The following ATP6V1C1 variants were observed in gnomAD, a reference collection of about 807,000 sequenced individuals.
The protein encoded by ATP6V1C1 is V-type proton ATPase subunit C 1.
A neutral mutation model predicts 53.9 loss-of-function variants in ATP6V1C1; 45 were observed. The ratio of observed to expected loss-of-function variants is 0.83; its 90% confidence interval spans 0.66 to 1.07. ATP6V1C1 has a LOEUF of 1.07. ATP6V1C1 is among the 50% of genes least tolerant of loss of function. The probability of loss-of-function intolerance (pLI) is 0.00; values close to 1 mark genes in which losing one functional copy is unlikely to be tolerated. For missense variants in ATP6V1C1, 315 were observed against 440.3 expected (o/e 0.72, Z 2.55); for synonymous variants, 153 against 155.2 (o/e 0.99, Z 0.11).
At chr8:103,032,153 A>G (rs183268505) in intron 1 of ATP6V1C1, among the ~76,000 whole-genome samples, 111 of 151,362 alleles carry the variant, frequency 7.3e-4, no homozygotes, top group African/African-American at 2.7e-3. Flanking sequence ...TCACAAGGAA[A>G]TTGTGTCAAG....
chr8:103,071,480 G>A lies in ATP6V1C1; in HGVS notation c.*2733G>A, dbSNP rs906269327. On this transcript the variant is annotated 3_prime_UTR_variant, in exon 13 of 13. Transcript: ENST00000518738. ...TTGACTGCTGGTTGTCACACTTCCC[G>A]CCCCACACTCAACTGTTGTGTGAAT... 6.6e-6 allele frequency: 1 copy of A among 152,130 alleles called. No homozygotes were observed. Among genetic ancestry groups the A allele is most frequent in the Non-Finnish European group, 1.5e-5 (1 of 68,038 alleles). 9.4% of individuals were successfully genotyped at this position (152,130 alleles called of 1,614,324 possible). A position where few individuals can be genotyped will look rare whatever the true frequency, so the allele number is the denominator to read the frequency against.
rs1444806045 is a variant in ATP6V1C1, at chr8:103,040,815, G to A, written c.-22G>A. On this transcript the variant is annotated 5_prime_UTR_variant, in exon 2 of 13. Coordinates refer to ENST00000518738, the MANE Select transcript of ATP6V1C1 (RefSeq NM_001695.5). ...CATTTCAGAATCTCTCTTGATTTTT[G>A]AGGAAATACCTAGTAACAAACATGA... is the stretch of plus-strand genomic sequence containing the variant. The A allele has an allele frequency of 2.5e-6, 4 of 1,592,564 alleles. No individual in the cohort carries two copies. The highest frequency in any genetic ancestry group is 3.4e-6 in the Non-Finnish European group (4 of 1,171,078).
chr8:103,049,248 T>A (rs1342085865), intron 4 of ATP6V1C1, among the ~76,000 whole-genome samples: 1 of 152,232 alleles, frequency 6.6e-6, no homozygotes, highest in East Asian at 1.9e-4. Context: ...CTTTCCAGGT[T>A]CTATTTATTC....
Position 103,068,855 on chromosome 8 carries a change from A to C in ATP6V1C1, c.*108A>C. ...CTCTAGTATCCTTTGCTTGCTTCTT[A>C]CGCCCTTTCCTAGGTGAATTCTCCC... On this transcript the variant is annotated 3_prime_UTR_variant, in exon 13 of 13. Coordinates refer to ENST00000518738, the MANE Select transcript of ATP6V1C1 (RefSeq NM_001695.5). 3 of 864,738 alleles carry C rather than the reference A, an allele frequency of 3.5e-6. No homozygotes were observed. The highest frequency in any genetic ancestry group is 5.0e-6 in the Non-Finnish European group (3 of 597,350). 53.6% of individuals were successfully genotyped at this position (864,738 alleles called of 1,614,324 possible).
At chr8:103,062,681 G>A (rs1817423149) in intron 8 of ATP6V1C1, among the ~76,000 whole-genome samples, 1 of 152,172 alleles carries the variant, frequency 6.6e-6, no homozygotes, top group South Asian at 2.1e-4. Flanking sequence ...TGAAAAGTGT[G>A]GTTCTTAGCG....
chr8:103,055,451 C>T (rs1244572623), intron 7 of ATP6V1C1, among the ~76,000 whole-genome samples: 1 of 152,136 alleles, frequency 6.6e-6, no homozygotes, highest in East Asian at 1.9e-4. Flanking sequence ...TCATGGTACT[C>T]TGTGCTTTCC....
intron 3 of ATP6V1C1, among the ~76,000 whole-genome samples, chr8:103,045,446 T>C (rs1272807103): frequency 5.3e-5 from 8 of 152,190 alleles, no homozygotes; most frequent in African/African-American, 1.7e-4. Flanking sequence ...AAAAGCTCAG[T>C]TGGGACCAGA....
At chr8:103,029,736 A>T (rs891619451) in intron 1 of ATP6V1C1, among the ~76,000 whole-genome samples, 1 of 152,026 alleles carries the variant, frequency 6.6e-6, no homozygotes, top group Non-Finnish European at 1.5e-5. Flanking sequence ...TATTTAAAAA[A>T]AATTTTTTTT....
At chr8:103,059,878 GCA>G (rs199689509) in intron 8 of ATP6V1C1, among the ~76,000 whole-genome samples, 7 of 66,446 alleles carry the variant, frequency 1.1e-4, no homozygotes, top group African/African-American at 1.8e-4. Flanking sequence ...CCCCCAGCAC[GCA>G]CACACACACA....
At chr8:103,041,021 C>G (rs1385858056) in intron 2 of ATP6V1C1, 53 bp downstream of exon 2, 2 of 1,550,656 alleles carry the variant, frequency 1.3e-6, no homozygotes, top group Non-Finnish European at 1.7e-6. Context: ...AGGGGAGGGC[C>G]AGTTCTCTCT....
At chr8:103,040,068 T>C (rs1030787055) in intron 1 of ATP6V1C1, among the ~76,000 whole-genome samples, 3 of 152,218 alleles carry the variant, frequency 2.0e-5, no homozygotes, top group African/African-American at 7.2e-5. Flanking sequence ...GACTTCTGTT[T>C]ATAAATGCAT....
rs1205441428 is a variant in ATP6V1C1 at position 103,048,528 on chromosome 8, T to A, written c.201-342T>A. On this transcript the variant is annotated intron_variant, in intron 3 of 12. Transcript: ENST00000518738. ...GCTAGTTCTCAGCCTCCTCCTTTGT[T>A]CTCAGTCCTTAAATTGTCTAGTTTC... Among the ~76,000 whole-genome samples, 3 of 152,246 alleles carry A rather than the reference T, an allele frequency of 2.0e-5. No individual in the cohort carries two copies. In the East Asian group the frequency reaches 5.8e-4, roughly 29 times the overall value.
intron 1 of ATP6V1C1, among the ~76,000 whole-genome samples, chr8:103,023,908 G>GT (rs1411320727): frequency 6.6e-6 from 1 of 151,302 alleles, no homozygotes; most frequent in Admixed American, 6.6e-5. Context: ...TTTTTTTTGG[G>GT]GGGGGGGAAC....
chr8:103,059,771 A>G (rs959390895), intron 8 of ATP6V1C1, among the ~76,000 whole-genome samples: 1 of 151,292 alleles, frequency 6.6e-6, no homozygotes, highest in African/African-American at 2.4e-5. Flanking sequence ...TCCTCTCATC[A>G]GTCCTCCACA....
chr8:103,068,989 T>A lies in ATP6V1C1; in HGVS notation c.*242T>A. 3.7e-6 allele frequency: 1 copy of A among 270,852 alleles called. No homozygotes were observed. Among genetic ancestry groups the A allele is most frequent in the Non-Finnish European group, 6.8e-6 (1 of 147,656 alleles). The allele number at this position is 270,852 out of a possible 1,614,324, so 16.8% of individuals were successfully genotyped here. A position where few individuals can be genotyped will look rare whatever the true frequency, so the allele number is the denominator to read the frequency against. ...GTGTACTAAAAAAATCAGAGTTTAT[T>A]TATAAACAAAATAGTTTATTTAAAG... On this transcript the variant is annotated 3_prime_UTR_variant, in exon 13 of 13. Transcript: ENST00000518738.
chr8:103,044,696 A>G, intron 3 of ATP6V1C1, among the ~76,000 whole-genome samples: 1 of 143,420 alleles, frequency 7.0e-6, no homozygotes, highest in Non-Finnish European at 1.5e-5. Flanking sequence ...TTTTTTCAAG[A>G]TTGGCCATTC....
intron 12 of ATP6V1C1, among the ~76,000 whole-genome samples, chr8:103,067,812 T>G (rs773726902): frequency 2.5e-4 from 38 of 152,206 alleles, no homozygotes; most frequent in Non-Finnish European, 4.6e-4. Flanking sequence ...CTTGAACTCC[T>G]GACCTCAGGT....
intron 1 of ATP6V1C1, among the ~76,000 whole-genome samples, chr8:103,022,653 A>T (rs1162352451): frequency 6.6e-6 from 1 of 152,204 alleles, no homozygotes; most frequent in Non-Finnish European, 1.5e-5. Context: ...AGATTAAAAC[A>T]ATTTTATTTA....
At chr8:103,042,292 T>G (rs1817014338) in intron 2 of ATP6V1C1, 48 bp from the exon 3 acceptor site, 8 of 1,555,450 alleles carry the variant, frequency 5.1e-6, no homozygotes, top group Non-Finnish European at 7.0e-6. Flanking sequence ...CTTGTTTTTT[T>G]TTTTTAAAAA....
Sources: allele counts gnomAD v4.1 joint callset (sites outside exome capture counted in the v4.1 genomes callset), GRCh38; gene constraint gnomAD v4.1.1; transcripts MANE v1.5; gene names NCBI Gene and HGNC (gene_info 2026-07-23, HGNC 2026-07-21).